The following TASP1 variants were observed in gnomAD, a reference collection of about 807,000 sequenced individuals.
The protein encoded by TASP1 is threonine aspartase 1.
TASP1 carries 16 observed loss-of-function variants against 56.6 expected under a neutral mutation model. The observed-to-expected ratio is 0.28, with a 90% CI of 0.19 to 0.43. The LOEUF is 0.43. Among genes scored for constraint, TASP1 ranks in the 20% least tolerant of loss-of-function variants. The pLI is 1.00. For synonymous variants in TASP1, 179 were observed against 184.2 expected (o/e 0.97, Z 0.23); for missense variants, 393 against 511.6 (o/e 0.77, Z 2.24).
the TASP1 span, among the ~76,000 whole-genome samples, chr20:13,233,153 A>C: frequency 1.3e-5 from 2 of 152,190 alleles, 1 homozygote; most frequent in South Asian, 4.1e-4. Context: ...AATTAAGAAA[A>C]CCAGAAATAG....
At chr20:13,558,163 CAG>C (rs1333330574) in intron 8 of TASP1, among the ~76,000 whole-genome samples, 11 of 151,968 alleles carry the variant, frequency 7.2e-5, no homozygotes, top group Non-Finnish European at 1.3e-4. Context: ...AAGGACAAAA[CAG>C]TATCTAAGCC....
At chr20:13,424,595 A>G (rs1184559504) in intron 12 of TASP1, among the ~76,000 whole-genome samples, 1 of 151,936 alleles carries the variant, frequency 6.6e-6, no homozygotes, top group Non-Finnish European at 1.5e-5. Context: ...AGCCTGTGAA[A>G]GCGCTGGCTA....
downstream of TASP1, among the ~76,000 whole-genome samples, chr20:13,385,533 C>T (rs2041157624): frequency 6.6e-6 from 1 of 152,196 alleles, no homozygotes; most frequent in African/African-American, 2.4e-5. Flanking sequence ...GGTGAGTCCA[C>T]CCTCAGTGGA....
At chr20:13,503,517 T>C (rs2146661461) in intron 10 of TASP1, among the ~76,000 whole-genome samples, 1 of 152,244 alleles carries the variant, frequency 6.6e-6, no homozygotes, top group African/African-American at 2.4e-5. Flanking sequence ...GAGGACATAA[T>C]TGCTTCAACT....
the TASP1 span, chr20:13,299,484 G>C: frequency 2.5e-6 from 4 of 1,570,484 alleles, no homozygotes; most frequent in Admixed American, 6.8e-5. The surrounding 1 kb of genome is among the most constrained non-coding windows in gnomAD (Gnocchi z 5.8). Flanking sequence ...GGTGGAGGAC[G>C]CTGCCTCTGG....
chr20:13,474,035 T>A (rs1600915920), intron 11 of TASP1, among the ~76,000 whole-genome samples: 1 of 152,188 alleles, frequency 6.6e-6, no homozygotes, highest in Non-Finnish European at 1.5e-5. Flanking sequence ...ATGATCGTGC[T>A]ACTGCACTCC....
chr20:13,623,485 A>G lies in TASP1; in HGVS notation c.243T>C (p.Leu81=), dbSNP rs575906901. The G allele has an allele frequency of 7.6e-5, 123 of 1,608,994 alleles. No individual in the cohort carries two copies. The highest frequency in any genetic ancestry group is 9.3e-5 in the Non-Finnish European group (109 of 1,175,766). Residue 81 remains leucine (L), a synonymous_variant, in exon 4 of 14, where the codon CTT becomes CTC. Coordinates refer to ENST00000337743, the MANE Select transcript of TASP1 (RefSeq NM_017714.3). Reference sequence around the variant, plus strand: ...GTGCTGCAGTGACTGCGTCAGTTGCAAGAGCACCGGCCTGCAGCTTTTCAA... The same window carrying G: ...GTGCTGCAGTGACTGCGTCAGTTGCGAGAGCACCGGCCTGCAGCTTTTCAA... ...KAIEKLQAGA[L]ATDAVTAALV... is the part of the protein sequence containing the mutation.
chr20:13,611,696 T>C (rs552032336), intron 4 of TASP1, among the ~76,000 whole-genome samples: 2 of 152,322 alleles, frequency 1.3e-5, no homozygotes, highest in South Asian at 4.1e-4. Context: ...TTTCCAGCTA[T>C]ACCTTAAAAT....
intron 10 of TASP1, among the ~76,000 whole-genome samples, chr20:13,500,037 A>C (rs1377955102): frequency 1.3e-5 from 2 of 151,710 alleles, no homozygotes; most frequent in African/African-American, 2.4e-5. Context: ...TAGAGTGTTC[A>C]CAATTTGAGT....
At chr20:13,564,085 C>G (rs753095287) in intron 7 of TASP1, among the ~76,000 whole-genome samples, 9 of 151,982 alleles carry the variant, frequency 5.9e-5, no homozygotes, top group Non-Finnish European at 8.8e-5. Context: ...GAAGTCCTAG[C>G]CAAGGCAATT....
At chr20:13,195,260 C>T in the TASP1 span, among the ~76,000 whole-genome samples, 1 of 152,166 alleles carries the variant, frequency 6.6e-6, no homozygotes, top group Non-Finnish European at 1.5e-5. Flanking sequence ...TTCCATTATA[C>T]ACACTGGGCA....
At chr20:13,370,895 T>C in the TASP1 span, among the ~76,000 whole-genome samples, 16 of 152,294 alleles carry the variant, frequency 1.1e-4, no homozygotes, top group East Asian at 2.9e-3. Context: ...TCCGTTTTGG[T>C]AGTTGCTGTT....
At chr20:13,635,134 T>C (rs1406126757) in intron 1 of TASP1, among the ~76,000 whole-genome samples, 3 of 152,212 alleles carry the variant, frequency 2.0e-5, no homozygotes, top group Admixed American at 6.5e-5. Context: ...AATGGGTAAA[T>C]TGATACACTG....
the TASP1 span, among the ~76,000 whole-genome samples, chr20:13,158,274 A>G: frequency 6.6e-6 from 1 of 152,242 alleles, no homozygotes; most frequent in Non-Finnish European, 1.5e-5. Flanking sequence ...ACAGAGGCTC[A>G]TTATATAAAA....
the TASP1 span, among the ~76,000 whole-genome samples, chr20:13,121,438 C>G: frequency 6.6e-6 from 1 of 152,276 alleles, no homozygotes; most frequent in South Asian, 2.1e-4. Flanking sequence ...GGAGTGAGCT[C>G]TAAGATGTTT....
At chr20:13,474,830 T>C (rs2044661243) in intron 11 of TASP1, among the ~76,000 whole-genome samples, 4 of 152,172 alleles carry the variant, frequency 2.6e-5, no homozygotes, top group Admixed American at 2.6e-4. Context: ...TGGTCATTCT[T>C]GTAGGCATAG....
chr20:13,194,668 C>A, the TASP1 span, among the ~76,000 whole-genome samples: 1 of 151,876 alleles, frequency 6.6e-6, no homozygotes, highest in African/African-American at 2.4e-5. Flanking sequence ...CACATGATGG[C>A]TGCCAACAAT....
At chr20:13,638,151 A>T (rs1043810906) in intron 1 of TASP1, among the ~76,000 whole-genome samples, 7 of 152,184 alleles carry the variant, frequency 4.6e-5, no homozygotes, top group Non-Finnish European at 7.3e-5. Context: ...TGGTGGGGAA[A>T]AGTTTTATTT....
the TASP1 span, among the ~76,000 whole-genome samples, chr20:13,210,616 C>CGTGTGT: frequency 0.084 from 12,358 of 147,436 alleles, 833 homozygotes; most frequent in East Asian, 0.38. Flanking sequence ...CATGTGCACA[C>CGTGTGT]GTGTGTGTGT....
Sources: gnomAD v4.1 joint callset for allele counts (sites outside exome capture counted in the v4.1 genomes callset) on GRCh38, gnomAD v4.1.1 for gene constraint, Gnocchi (gnomAD v3.1) non-coding constraint, MANE v1.5 for transcripts, NCBI Gene and HGNC (gene_info 2026-07-23, HGNC 2026-07-21) for gene names.